The following PCDH11X variants were observed in gnomAD, a reference collection of about 807,000 sequenced individuals.
PCDH11X encodes the protein protocadherin 11 X-linked.
PCDH11X carries 18 observed loss-of-function variants against 53.3 expected under a neutral mutation model. The ratio of observed to expected loss-of-function variants is 0.34; its 90% CI spans 0.23 to 0.50. The LOEUF is 0.50. Ranked by LOEUF, PCDH11X falls within the 20% of genes least tolerant of loss-of-function variation. PCDH11X has a pLI of 0.98. For missense variants in PCDH11X, 570 were observed against 1,032.4 expected, an observed-to-expected ratio of 0.55 and a Z score of 6.14; for synonymous variants, 279 against 393.3, an observed-to-expected ratio of 0.71 and a Z score of 3.44.
chrX:92,266,529 G>A (rs1326214108), intron 8 of PCDH11X, among the ~76,000 whole-genome samples: 1 of 111,479 alleles, frequency 9.0e-6, no homozygotes, highest in Non-Finnish European at 1.9e-5. Flanking sequence ...AAGTTACAAA[G>A]ATAGACACTT....
chrX:92,567,088 G>A (rs1160391081), intron 10 of PCDH11X, among the ~76,000 whole-genome samples: 2 of 98,825 alleles, frequency 2.0e-5, no homozygotes, highest in Non-Finnish European at 4.1e-5. Flanking sequence ...TTTTGCTTAG[G>A]ATTTTCTGGT....
chrX:92,354,147 T>A (rs762789610), intron 8 of PCDH11X, among the ~76,000 whole-genome samples: 1 of 100,048 alleles, frequency 1.0e-5, no homozygotes. Context: ...AAGAATCATA[T>A]AGATTTTAAA....
At chrX:92,355,472 G>A (rs1440577535) in intron 8 of PCDH11X, among the ~76,000 whole-genome samples, 6 of 89,428 alleles carry the variant, frequency 6.7e-5, no homozygotes, top group African/African-American at 8.6e-5. Context: ...CAGAATCTCC[G>A]TTATTAAAAG....
intron 6 of PCDH11X, among the ~76,000 whole-genome samples, chrX:92,070,244 A>C (rs5984868): frequency 9.1e-6 from 1 of 110,089 alleles, no homozygotes; most frequent in Admixed American, 9.8e-5. Context: ...GGTTTTCTCT[A>C]TACTTACTAT....
chrX:92,156,704 A>G (rs73539476), intron 6 of PCDH11X, among the ~76,000 whole-genome samples: 4,358 of 111,962 alleles, frequency 0.039, 191 homozygotes, highest in African/African-American at 0.13. Flanking sequence ...ATTCTAGCAT[A>G]TTAGAGTTGT....
At chrX:92,162,232 C>G (rs191013871) in intron 6 of PCDH11X, among the ~76,000 whole-genome samples, 1,170 of 103,875 alleles carry the variant, frequency 0.011, 37 homozygotes, top group Admixed American at 0.078. Flanking sequence ...TACTTTGTCA[C>G]CCATGCTGGA....
At chrX:92,225,316 C>T (rs1347643935) in intron 7 of PCDH11X, among the ~76,000 whole-genome samples, 5 of 94,046 alleles carry the variant, frequency 5.3e-5, no homozygotes, top group African/African-American at 2.0e-4. Context: ...TTTAGTTTCA[C>T]TTAACACAAT....
At chrX:92,365,530 C>A (rs1260006111) in intron 8 of PCDH11X, among the ~76,000 whole-genome samples, 1 of 110,504 alleles carries the variant, frequency 9.0e-6, no homozygotes, top group Non-Finnish European at 1.9e-5. Context: ...GTGTGAACCA[C>A]CACACCTGGC....
intron 6 of PCDH11X, among the ~76,000 whole-genome samples, chrX:91,998,218 G>A (rs2147955642): frequency 9.1e-6 from 1 of 109,555 alleles, no homozygotes; most frequent in Admixed American, 9.8e-5. Context: ...ACAGGCATGA[G>A]CCACCGCACA....
intron 7 of PCDH11X, among the ~76,000 whole-genome samples, chrX:92,205,397 TTTGA>T (rs1314752534): frequency 9.0e-6 from 1 of 111,076 alleles, no homozygotes. Flanking sequence ...TTATTGAATG[TTTGA>T]TTAAGAAACC....
intron 9 of PCDH11X, among the ~76,000 whole-genome samples, chrX:92,434,729 T>C (rs1335488326): frequency 9.2e-6 from 1 of 108,283 alleles, no homozygotes; most frequent in African/African-American, 3.4e-5. Context: ...TAGTCCGTTT[T>C]CATGCCCCTG....
intron 4 of PCDH11X, among the ~76,000 whole-genome samples, chrX:91,814,144 G>T (rs972822137): frequency 2.7e-5 from 3 of 109,257 alleles, no homozygotes; most frequent in Non-Finnish European, 5.7e-5. Context: ...TATATTGCAC[G>T]TATCCAATTA....
chrX:92,042,651 T>C (rs2063226660), intron 6 of PCDH11X, among the ~76,000 whole-genome samples: 1 of 87,473 alleles, frequency 1.1e-5, no homozygotes, highest in Admixed American at 1.4e-4. Context: ...TTTTTTTTTT[T>C]TTTTTGAGAG....
At position 92,545,542 on chromosome X, in the gene PCDH11X, C is replaced by G. The variant is rs757452325; in HGVS notation, c.3368-72722C>G. ...TCAGGCTCCTGAGCAGCTGGGATTA[C>G]AGTTGCCCGCCATCATGCCGGGCTA... On this transcript the variant is annotated intron_variant, in intron 10 of 10. Transcript: ENST00000682573. 3.7e-5 allele frequency among the ~76,000 whole-genome samples: 4 copies of G among 108,866 alleles called. No homozygotes were observed. In the South Asian group the frequency reaches 1.2e-3, roughly 33 times the overall value. The allele number at this position is 108,866 out of a possible 115,157, so 94.5% of individuals were successfully genotyped here. A position where few individuals can be genotyped will look rare whatever the true frequency, so the allele number is the denominator to read the frequency against.
chrX:92,121,654 T>C (rs1436512592), intron 6 of PCDH11X, among the ~76,000 whole-genome samples: 1 of 112,011 alleles, frequency 8.9e-6, no homozygotes, highest in Non-Finnish European at 1.9e-5. Context: ...ATTGAATAGT[T>C]GAAGCAAAAT....
intron 4 of PCDH11X, among the ~76,000 whole-genome samples, chrX:91,830,747 A>G (rs1937077506): frequency 9.0e-6 from 1 of 111,171 alleles, no homozygotes; most frequent in Non-Finnish European, 1.9e-5. Context: ...AATAATTGGA[A>G]TGATGAGATT....
rs537513195 is a variant in PCDH11X at position 92,100,632 on chromosome X, T to G, written c.3034-100743T>G. Among the ~76,000 whole-genome samples the G allele has an allele frequency of 5.4e-4, 60 of 110,268 alleles. 1 individual carries two copies. Among genetic ancestry groups the G allele is most frequent in the African/African-American group, 2.0e-3 (60 of 29,473 alleles). On this transcript the variant is annotated intron_variant, in intron 6 of 10. Coordinates refer to ENST00000682573, the MANE Select transcript of PCDH11X (RefSeq NM_032968.5). ...TCTTCAGTTACTTCCGGCCATCTGG[T>G]CGTATCCGTGCAAGTCACAGGGGAT...
chrX:91,795,789 A>G (rs1935713050), intron 1 of PCDH11X, among the ~76,000 whole-genome samples: 1 of 111,771 alleles, frequency 8.9e-6, no homozygotes. Context: ...TACTGTAAGA[A>G]CAGTTTTATA....
chrX:92,092,666 A>T (rs756285285), intron 6 of PCDH11X, among the ~76,000 whole-genome samples: 1 of 111,825 alleles, frequency 8.9e-6, no homozygotes, highest in Non-Finnish European at 1.9e-5. Flanking sequence ...TCTCCAAAGG[A>T]AACAATCAGA....
Sources: allele counts gnomAD v4.1 joint callset (sites outside exome capture counted in the v4.1 genomes callset), GRCh38; gene constraint gnomAD v4.1.1; transcripts MANE v1.5; gene names NCBI Gene and HGNC (gene_info 2026-07-23, HGNC 2026-07-21).